LRRC20: variants seen among roughly 807,000 people sequenced by gnomAD.
LRRC20 encodes the protein leucine-rich repeat-containing protein 20.
LRRC20 carries 11 observed loss-of-function variants against 14.4 expected under a neutral mutation model. The observed-to-expected ratio is 0.77, with a 90% CI of 0.48 to 1.27. The LOEUF (loss-of-function observed/expected upper bound fraction) is 1.27. Among genes scored for constraint, LRRC20 ranks in the 50% most tolerant of loss-of-function variants. The pLI is 0.00. For missense variants in LRRC20, 219 were observed against 251.2 expected (o/e 0.87, Z 0.87); for synonymous variants, 121 against 107.3 (o/e 1.13, Z -0.79).
intron 4 of LRRC20, among the ~76,000 whole-genome samples, chr10:70,322,250 T>C (rs967652088): frequency 6.6e-6 from 1 of 152,234 alleles, no homozygotes; most frequent in Non-Finnish European, 1.5e-5. Flanking sequence ...AGTTAGGATA[T>C]GGGGAAGCCA....
At chr10:70,353,440 CAG>C (rs879532866) in intron 2 of LRRC20, among the ~76,000 whole-genome samples, 2 of 152,064 alleles carry the variant, frequency 1.3e-5, no homozygotes, top group Non-Finnish European at 2.9e-5. Context: ...TTTTTTGAGA[CAG>C]AGTCTCACTC....
intron 2 of LRRC20, among the ~76,000 whole-genome samples, chr10:70,375,986 C>T (rs1195653210): frequency 6.6e-6 from 1 of 152,098 alleles, no homozygotes; most frequent in African/African-American, 2.4e-5. Context: ...AAAGGGGTCT[C>T]CTAGCTGGGC....
rs185055482 is a variant in LRRC20 at position 70,299,999 on chromosome 10, G to T, written c.*1355C>A. The T allele has an allele frequency of 1.5e-3, 235 of 152,360 alleles. No individual in the cohort carries two copies. The highest frequency in any genetic ancestry group is 3.4e-3 in the Admixed American group (52 of 15,292). The allele number at this position is 152,360 out of a possible 1,614,324, so 9.4% of individuals were successfully genotyped here. On this transcript the variant is annotated 3_prime_UTR_variant, in exon 5 of 5. Transcript: ENST00000446961. ...CTGAGCTCTCAACATCTTAGCCTTA[G>T]GAGTAGTAAAGTGGCCACTCGTCCA...
intron 2 of LRRC20, among the ~76,000 whole-genome samples, chr10:70,369,093 G>T: frequency 6.6e-6 from 1 of 152,206 alleles, no homozygotes; most frequent in East Asian, 1.9e-4. Flanking sequence ...GCCTAACAAT[G>T]ATGTAAATCT....
chr10:70,339,979 G>C (rs1254354966), intron 3 of LRRC20, among the ~76,000 whole-genome samples: 3 of 151,904 alleles, frequency 2.0e-5, no homozygotes, highest in Admixed American at 6.6e-5. Flanking sequence ...AAATGACCCA[G>C]GTGTGGTGGC....
In LRRC20 at chr10:70,300,435, AATCCCGTGGTCCAC is replaced by A; in HGVS notation, c.*905_*918del. ...TTGGCCTGGGAGCTGGCTGGCTACAAATCCCGTGGTCCACATCGCCTTCTGCCCCCAGGAGGCCA... is the reference window on the plus strand; with the variant it reads ...TTGGCCTGGGAGCTGGCTGGCTACAAATCGCCTTCTGCCCCCAGGAGGCCA... On this transcript the variant is annotated 3_prime_UTR_variant, in exon 5 of 5. Transcript: ENST00000446961. The A allele has an allele frequency of 1.0e-6, 1 of 985,532 alleles. No homozygotes were observed. Among genetic ancestry groups the A allele is most frequent in the African/African-American group, 1.7e-5 (1 of 57,344 alleles). 61.0% of individuals were successfully genotyped at this position (985,532 alleles called of 1,614,324 possible). A position where few individuals can be genotyped will look rare whatever the true frequency, so the allele number is the denominator to read the frequency against.
At chr10:70,340,355 C>A (rs1842868549) in intron 3 of LRRC20, among the ~76,000 whole-genome samples, 198 bp downstream of exon 3, 1 of 152,216 alleles carries the variant, frequency 6.6e-6, no homozygotes, top group Admixed American at 6.5e-5. Context: ...TGCTTCACAG[C>A]CAGCTAGAGG....
chr10:70,307,339 T>A (rs1841463506), intron 4 of LRRC20, among the ~76,000 whole-genome samples: 1 of 152,230 alleles, frequency 6.6e-6, no homozygotes, highest in East Asian at 1.9e-4. Flanking sequence ...GGGAAAGTCT[T>A]TGGATATATG....
intron 3 of LRRC20, among the ~76,000 whole-genome samples, chr10:70,327,089 A>G (rs1203035063): frequency 6.6e-6 from 1 of 152,076 alleles, no homozygotes; most frequent in African/African-American, 2.4e-5. Flanking sequence ...GCCTGTTGGG[A>G]GCTTGCCCCT....
chr10:70,336,942 C>T (rs1316588906), intron 3 of LRRC20, among the ~76,000 whole-genome samples: 2 of 152,236 alleles, frequency 1.3e-5, no homozygotes, highest in African/African-American at 2.4e-5. Flanking sequence ...GACCCACTCT[C>T]TGCAGGGCCC....
At chr10:70,333,692 T>C (rs184965406) in intron 3 of LRRC20, among the ~76,000 whole-genome samples, 70 of 152,324 alleles carry the variant, frequency 4.6e-4, no homozygotes, top group Non-Finnish European at 9.0e-4. Flanking sequence ...TGAGGACTGA[T>C]GGCAAAAACT....
intron 4 of LRRC20, among the ~76,000 whole-genome samples, chr10:70,316,964 G>A (rs1310536703): frequency 2.0e-5 from 3 of 152,254 alleles, no homozygotes; most frequent in African/African-American, 4.8e-5. Context: ...TCCTGTCATG[G>A]GACTTGTGAC....
intron 4 of LRRC20, among the ~76,000 whole-genome samples, chr10:70,311,041 G>T (rs1042489718): frequency 6.6e-6 from 1 of 152,080 alleles, no homozygotes; most frequent in African/African-American, 2.4e-5. Context: ...ACATACCTAC[G>T]TATTTCCAAA....
chr10:70,373,248 ACT>A (rs1491190107), intron 2 of LRRC20, among the ~76,000 whole-genome samples: 4 of 152,314 alleles, frequency 2.6e-5, no homozygotes, highest in African/African-American at 7.2e-5. Context: ...TTCAATTACC[ACT>A]CCTCCAGAAA....
intron 2 of LRRC20, among the ~76,000 whole-genome samples, chr10:70,350,574 G>T (rs1293038785): frequency 6.6e-6 from 1 of 152,208 alleles, no homozygotes; most frequent in Non-Finnish European, 1.5e-5. Flanking sequence ...GATTGAGCTT[G>T]CATGGTGACT....
intron 4 of LRRC20, among the ~76,000 whole-genome samples, chr10:70,313,552 T>TGA: frequency 6.6e-6 from 1 of 152,334 alleles, no homozygotes; most frequent in East Asian, 1.9e-4. Context: ...GCTTCTAGCC[T>TGA]CACAAGCTGT....
intron 2 of LRRC20, among the ~76,000 whole-genome samples, chr10:70,352,638 G>C (rs1476629084): frequency 6.6e-6 from 1 of 152,190 alleles, no homozygotes; most frequent in African/African-American, 2.4e-5. Context: ...TCTGGTGGGG[G>C]ATGTTGATCA....
chr10:70,317,590 G>C (rs1841911035), intron 4 of LRRC20, among the ~76,000 whole-genome samples: 1 of 152,050 alleles, frequency 6.6e-6, no homozygotes, highest in Non-Finnish European at 1.5e-5. Context: ...TGTTGCTCAG[G>C]CTGGTTTTGA....
At position 70,376,554 on chromosome 10, in the gene LRRC20, G is replaced by A. The variant is rs369726039; in HGVS notation, c.-21C>T. On this transcript the variant is annotated 5_prime_UTR_variant, in exon 2 of 5. Coordinates refer to ENST00000446961, the MANE Select transcript of LRRC20 (RefSeq NM_001278212.2). Reference sequence around the variant, plus strand: ...AGCATGCAGACACAGGTGTCCTGCCGCCAGCCCCCAGGCTGGTCTGCTTCT... The same window carrying A: ...AGCATGCAGACACAGGTGTCCTGCCACCAGCCCCCAGGCTGGTCTGCTTCT... The A allele has an allele frequency of 1.5e-4, 246 of 1,610,024 alleles. No homozygotes were observed. Among genetic ancestry groups the A allele is most frequent in the Admixed American group, 2.5e-4 (15 of 59,978 alleles).
Sources: gnomAD v4.1 joint callset for allele counts (sites outside exome capture counted in the v4.1 genomes callset) on GRCh38, gnomAD v4.1.1 for gene constraint, MANE v1.5 for transcripts, NCBI Gene and HGNC (gene_info 2026-07-23, HGNC 2026-07-21) for gene names.